Variants in MCCC2 observed in about 807,000 individuals in gnomAD.
The protein encoded by MCCC2 is methylcrotonyl-CoA carboxylase subunit 2.
MCCC2 carries 52 observed loss-of-function variants against 77.2 expected under a neutral mutation model. The ratio of observed to expected loss-of-function variants is 0.67; its 90% confidence interval spans 0.54 to 0.85. MCCC2 has a LOEUF of 0.85. Ranked by LOEUF, MCCC2 falls within the 40% of genes least tolerant of loss-of-function variation. The probability of loss-of-function intolerance (pLI) is 0.00; values close to 1 mark genes in which losing one functional copy is unlikely to be tolerated. For synonymous variants in MCCC2, 253 were observed against 248.4 expected (o/e 1.02, Z -0.18); for missense variants, 682 against 703.2 (o/e 0.97, Z 0.34).
chr5:71,626,749 C>G lies in MCCC2; in HGVS notation c.734C>G (p.Pro245Arg). The G allele has an allele frequency of 6.2e-7, 1 of 1,613,710 alleles. No individual in the cohort carries two copies. Among genetic ancestry groups the G allele is most frequent in the Non-Finnish European group, 8.5e-7 (1 of 1,179,762 alleles). ...KQGTIFLAGP[P>R]LVKAATGEEV... ...GGTACCATTTTCTTGGCAGGACCCCCCTTGGTAAGAACATAAGAACGTTGG... is the reference window on the plus strand; with the variant it reads ...GGTACCATTTTCTTGGCAGGACCCCGCTTGGTAAGAACATAAGAACGTTGG... The change falls in exon 7 of 17, where the codon CCC (proline) becomes CGC (arginine). Residue 245 changes from proline (P) to arginine (R), a missense_variant. Pro to Arg is a moderately radical substitution (Grantham distance 103). Coordinates refer to ENST00000340941, the MANE Select transcript of MCCC2 (RefSeq NM_022132.5).
intron 6 of MCCC2, among the ~76,000 whole-genome samples, chr5:71,611,938 A>T (rs760394286): frequency 2.0e-5 from 3 of 151,670 alleles, no homozygotes; most frequent in Admixed American, 6.6e-5. Context: ...ACAGGCGCCC[A>T]CCACCATGCC....
chr5:71,589,365 A>T (rs1744884681), intron 1 of MCCC2, among the ~76,000 whole-genome samples: 1 of 152,186 alleles, frequency 6.6e-6, no homozygotes, highest in Admixed American at 6.5e-5. Flanking sequence ...TTTGTTTCTT[A>T]ATCTCTCACT....
In MCCC2 at chr5:71,652,739, A is replaced by G. The variant is rs150327768; in HGVS notation, c.1559A>G (p.Tyr520Cys). 81 of 1,614,052 alleles carry G rather than the reference A, an allele frequency of 5.0e-5. No homozygotes were observed. Among genetic ancestry groups the G allele is most frequent in the Non-Finnish European group, 6.9e-5 (81 of 1,180,002 alleles). The change falls in exon 16 of 17, where the codon TAC becomes TGC. Residue 520 changes from tyrosine to cysteine, a missense_variant. Coordinates refer to ENST00000340941, the MANE Select transcript of MCCC2 (RefSeq NM_022132.5). ...AAGTTTGAAGAGGAAGGAAACCCTT[A>G]CTATTCCAGCGCAAGGTGGGGGCCA... ...IKKFEEEGNP[Y>C]YSSARVWDDG...
chr5:71,587,636 G>A, intron 1 of MCCC2, 82 bp downstream of exon 1: 1 of 1,493,224 alleles, frequency 6.7e-7, no homozygotes, highest in East Asian at 2.5e-5. Context: ...AACAACTGCT[G>A]CTCTCTTGTC....
intron 6 of MCCC2, among the ~76,000 whole-genome samples, chr5:71,615,470 G>T (rs1198614475): frequency 6.6e-6 from 1 of 151,820 alleles, no homozygotes; most frequent in African/African-American, 2.4e-5. Context: ...TTATTTTAAC[G>T]ATTTAGCCAG....
intron 13 of MCCC2, 129 bp from the exon 14 acceptor site, chr5:71,648,968 T>C: frequency 1.9e-6 from 2 of 1,074,880 alleles, no homozygotes; most frequent in Non-Finnish European, 1.4e-6. Context: ...GTTTCACATA[T>C]AAACATTTTC....
intron 7 of MCCC2, among the ~76,000 whole-genome samples, chr5:71,631,571 C>T (rs1369800904): frequency 6.3e-5 from 9 of 143,924 alleles, no homozygotes; most frequent in Admixed American, 2.2e-4. Context: ...GACGGAGTCT[C>T]GCTCTGTCGC....
At chr5:71,643,289 A>G (rs1015152847) in intron 11 of MCCC2, among the ~76,000 whole-genome samples, 1 of 151,856 alleles carries the variant, frequency 6.6e-6, no homozygotes, top group African/African-American at 2.4e-5. Context: ...GGCTGAGGTA[A>G]GAGGGAGGAT....
At chr5:71,608,992 C>T (rs1745804754) in intron 6 of MCCC2, among the ~76,000 whole-genome samples, 1 of 151,950 alleles carries the variant, frequency 6.6e-6, no homozygotes, top group African/African-American at 2.4e-5. Flanking sequence ...TCTCTGGCTG[C>T]CCTTAACATT....
intron 7 of MCCC2, among the ~76,000 whole-genome samples, chr5:71,628,076 T>C (rs1746590903): frequency 6.6e-6 from 1 of 152,190 alleles, no homozygotes; most frequent in South Asian, 2.1e-4. Flanking sequence ...ACTCCTGACC[T>C]CAGGTGGTAT....
rs563022160 is a variant in MCCC2, at chr5:71,599,239, G to A, written c.282-420G>A. Among the ~76,000 whole-genome samples, 333 of 152,116 alleles carry A rather than the reference G, an allele frequency of 2.2e-3. 1 individual carries two copies. The highest frequency in any genetic ancestry group is 3.2e-3 in the Non-Finnish European group (221 of 68,002). On this transcript the variant is annotated intron_variant, in intron 3 of 16. Coordinates refer to ENST00000340941, the MANE Select transcript of MCCC2 (RefSeq NM_022132.5). ...CAAAAAATTAGCTGGTTGTGGTGGC[G>A]CATGCCTGTAATCCCAGTTACTCGG...
chr5:71,643,514 T>C (rs1048993510), intron 11 of MCCC2, among the ~76,000 whole-genome samples: 1 of 152,228 alleles, frequency 6.6e-6, no homozygotes, highest in African/African-American at 2.4e-5. Context: ...TGGTACATAC[T>C]AGACACTCAG....
chr5:71,611,783 CT>C (rs976575166), intron 6 of MCCC2, among the ~76,000 whole-genome samples: 4 of 149,640 alleles, frequency 2.7e-5, no homozygotes, highest in African/African-American at 4.9e-5. Flanking sequence ...TACTTTATTC[CT>C]TTTTTTTTCT....
intron 3 of MCCC2, among the ~76,000 whole-genome samples, chr5:71,598,638 T>C (rs1202178251): frequency 7.1e-6 from 1 of 140,986 alleles, no homozygotes; most frequent in African/African-American, 2.7e-5. Context: ...GTATTTTTAG[T>C]AGAGATGGGG....
In MCCC2 at chr5:71,650,187, G is replaced by A. The variant is rs779831115; in HGVS notation, c.1488+4G>A. The A allele has an allele frequency of 1.3e-5, 21 of 1,612,910 alleles. No individual in the cohort carries two copies. Among genetic ancestry groups the A allele is most frequent in the East Asian group, 4.5e-5 (2 of 44,876 alleles). Reference sequence around the variant, plus strand: ...AAGAGCCCGGGAAGGAAAGCAGGTCGGTGTCGTTTTCTCTTGTTTCTCTCT... The same window carrying A: ...AAGAGCCCGGGAAGGAAAGCAGGTCAGTGTCGTTTTCTCTTGTTTCTCTCT... On this transcript the variant is annotated splice_donor_region_variant and intron_variant, in intron 15 of 16. Transcript: ENST00000340941.
At chr5:71,607,673 TG>T (rs1745741304) in intron 6 of MCCC2, among the ~76,000 whole-genome samples, 1 of 147,840 alleles carries the variant, frequency 6.8e-6, no homozygotes, top group South Asian at 2.2e-4. Flanking sequence ...GATGTTAGGG[TG>T]TCAATTTTGG....
chr5:71,626,183 A>G (rs1746522833), intron 6 of MCCC2, among the ~76,000 whole-genome samples: 1 of 152,222 alleles, frequency 6.6e-6, no homozygotes, highest in South Asian at 2.1e-4. Flanking sequence ...TTTAGAAAGT[A>G]TTACATCCAG....
rs1747604944 is a variant in MCCC2 at position 71,657,227 on chromosome 5, C to T, written c.*367C>T. On this transcript the variant is annotated 3_prime_UTR_variant, in exon 17 of 17. Coordinates refer to ENST00000340941, the MANE Select transcript of MCCC2 (RefSeq NM_022132.5). ...TATTTTCACTGAAATGATTGTTTTG[C>T]TGGTTATGCTTGGTGATATTTTAGC... The T allele has an allele frequency of 4.2e-6, 1 of 239,956 alleles. No homozygotes were observed. Among genetic ancestry groups the T allele is most frequent in the Non-Finnish European group, 8.3e-6 (1 of 121,074 alleles). 14.9% of individuals were successfully genotyped at this position (239,956 alleles called of 1,614,324 possible).
At chr5:71,625,598 T>C (rs1746506599) in intron 6 of MCCC2, among the ~76,000 whole-genome samples, 1 of 152,242 alleles carries the variant, frequency 6.6e-6, no homozygotes, top group Non-Finnish European at 1.5e-5. Flanking sequence ...TTTGTAGCCA[T>C]AGATAATCTG....
Sources: allele counts gnomAD v4.1 joint callset (sites outside exome capture counted in the v4.1 genomes callset), GRCh38; gene constraint gnomAD v4.1.1; transcripts MANE v1.5; gene names NCBI Gene and HGNC (gene_info 2026-07-23, HGNC 2026-07-21).